Variants in ELP1 observed in about 807,000 individuals in gnomAD.
ELP1 encodes elongator complex protein 1.
Under a neutral mutation model 183.2 loss-of-function variants are expected in ELP1, and 131 were observed. The ratio of observed to expected loss-of-function variants is 0.72; its 90% confidence interval spans 0.62 to 0.83. ELP1 has a LOEUF of 0.83. ELP1 is among the 40% of genes least tolerant of loss of function. ELP1 has a pLI of 0.00. For missense variants in ELP1, 1,550 were observed against 1,594.9 expected (o/e 0.97, Z 0.48); for synonymous variants, 555 against 569.0 (o/e 0.98, Z 0.35).
rs781102903 is a variant in ELP1, at chr9:108,878,680, C to T, written c.3643G>A (p.Asp1215Asn). The change falls in exon 34 of 37, where the codon GAC becomes AAC. Residue 1215 changes from aspartate (D) to asparagine (N), a missense_variant. Asp to Asn is a conservative substitution (Grantham distance 23). Coordinates refer to ENST00000374647, the MANE Select transcript of ELP1 (RefSeq NM_003640.5). ...CTCAGTGCCTCCAGGAGGGCCAGGTCCTCCAGCGGACTGCCTTCTTTGAGG... is the reference window on the plus strand; with the variant it reads ...CTCAGTGCCTCCAGGAGGGCCAGGTTCTCCAGCGGACTGCCTTCTTTGAGG... Reference protein sequence around the residue: ...HSLKEGSPLEDLALLEALSEV... With the variant: ...HSLKEGSPLENLALLEALSEV... 23 of 1,614,212 alleles carry T rather than the reference C, an allele frequency of 1.4e-5. No homozygotes were observed. In the South Asian group the frequency reaches 2.5e-4, roughly 18 times the overall value.
chr9:108,899,941 T>C (rs1828704194), intron 19 of ELP1, 46 bp from the exon 20 acceptor site: 2 of 1,469,436 alleles, frequency 1.4e-6, no homozygotes, highest in East Asian at 2.3e-5. Context: ...GTAGAAAACA[T>C]TTAAATAGCC....
chr9:108,908,042 T>C (rs935866479), intron 13 of ELP1, among the ~76,000 whole-genome samples: 3 of 152,216 alleles, frequency 2.0e-5, no homozygotes, highest in East Asian at 3.9e-4. Context: ...CCACATGATT[T>C]TTCCTGGAGA....
At position 108,934,063 on chromosome 9, in the gene ELP1, G is replaced by C. The variant is rs1830100011; in HGVS notation, c.-255C>G. The C allele has an allele frequency of 5.5e-6, 1 of 180,528 alleles. No individual in the cohort carries two copies. Among genetic ancestry groups the C allele is most frequent in the Non-Finnish European group, 1.2e-5 (1 of 85,438 alleles). 11.2% of individuals were successfully genotyped at this position (180,528 alleles called of 1,614,324 possible). On this transcript the variant is annotated 5_prime_UTR_variant, in exon 1 of 37. Coordinates refer to ENST00000374647, the MANE Select transcript of ELP1 (RefSeq NM_003640.5). ...GCCCTCCAGGGGAAAACGCTGAAGC[G>C]CTGCAAAGAAGCCAGCGACTCAATG...
At chr9:108,881,368 T>C (rs2118944802) in intron 31 of ELP1, among the ~76,000 whole-genome samples, 3 of 152,344 alleles carry the variant, frequency 2.0e-5, no homozygotes, top group Middle Eastern at 6.8e-3. Flanking sequence ...TAGGATATTA[T>C]CTTATATAAC....
Position 108,879,528 on chromosome 9 carries a change from C to G in ELP1, c.3490G>C (p.Asp1164His), listed in dbSNP as rs1198624688. 28 of 1,613,998 alleles carry G rather than the reference C, an allele frequency of 1.7e-5. 1 individual carries two copies. The highest frequency in any genetic ancestry group is 2.4e-5 in the Non-Finnish European group (28 of 1,179,990). Residue 1164 changes from aspartate (D) to histidine (H), a missense_variant, in exon 33 of 37, where the codon GAC (aspartate) becomes CAC (histidine). Transcript: ENST00000374647. ...ACACTGCTAGTTTCAGAGAAGAGGT[C>G]TGACTCTTGCCCGTGGGGTACCTCA... Reference protein sequence around the residue: ...DDEVPHGQESDLFSETSSVVS... With the variant: ...DDEVPHGQESHLFSETSSVVS...
intron 30 of ELP1, 91 bp downstream of exon 30, chr9:108,882,034 T>G: frequency 9.4e-7 from 1 of 1,066,900 alleles, no homozygotes; most frequent in Non-Finnish European, 1.5e-6. Flanking sequence ...TTCATGAACC[T>G]CAGAAGACAA....
chr9:108,882,351 T>C (rs997966883), intron 29 of ELP1, among the ~76,000 whole-genome samples, 164 bp from the exon 30 acceptor site: 1 of 152,110 alleles, frequency 6.6e-6, no homozygotes, highest in African/African-American at 2.4e-5. Context: ...TCCATAAATA[T>C]TGATACAAAA....
chr9:108,921,228 A>C (rs1298381311), intron 6 of ELP1, among the ~76,000 whole-genome samples: 1 of 152,108 alleles, frequency 6.6e-6, no homozygotes, highest in Non-Finnish European at 1.5e-5. Flanking sequence ...TCATCCCCAA[A>C]AGAAACCCCA....
chr9:108,895,818 G>A (rs1828523237), intron 25 of ELP1, among the ~76,000 whole-genome samples: 1 of 152,192 alleles, frequency 6.6e-6, no homozygotes, highest in Non-Finnish European at 1.5e-5. Context: ...AGGAGGCCAT[G>A]AGCCTTCTGT....
intron 28 of ELP1, 149 bp from the exon 29 acceptor site, chr9:108,889,542 T>C (rs1456168102): frequency 1.4e-6 from 1 of 725,000 alleles, no homozygotes; most frequent in African/African-American, 1.7e-5. Context: ...AGTCCTATCT[T>C]AAATGGCAGC....
intron 29 of ELP1, among the ~76,000 whole-genome samples, chr9:108,884,673 GAAAAC>G (rs993487129): frequency 1.3e-5 from 2 of 152,142 alleles, no homozygotes; most frequent in African/African-American, 4.8e-5. Flanking sequence ...ATTAGGAAAT[GAAAAC>G]AAAACATTTC....
At position 108,934,050 on chromosome 9, in the gene ELP1, A is replaced by C. The variant is rs765585828; in HGVS notation, c.-242T>G. ...CAAGGATGGAGGCGCCCTCCAGGGG[A>C]AAACGCTGAAGCGCTGCAAAGAAGC... is the stretch of plus-strand genomic sequence containing the variant. On this transcript the variant is annotated 5_prime_UTR_variant, in exon 1 of 37. Transcript: ENST00000374647. 3.6e-4 allele frequency: 62 copies of C among 170,772 alleles called. No homozygotes were observed. Among genetic ancestry groups the C allele is most frequent in the Non-Finnish European group, 6.9e-4 (55 of 79,308 alleles). The allele number at this position is 170,772 out of a possible 1,614,324, so 10.6% of individuals were successfully genotyped here.
Position 108,869,057 on chromosome 9 carries a change from G to A in ELP1, c.*58C>T. The A allele has an allele frequency of 6.9e-7, 1 of 1,455,802 alleles. No homozygotes were observed. 90.2% of individuals were successfully genotyped at this position (1,455,802 alleles called of 1,614,324 possible). On this transcript the variant is annotated 3_prime_UTR_variant, in exon 37 of 37. Transcript: ENST00000374647. ...GCCCTCAAAGAGCAAGGGGTGGTAG[G>A]ACAACAGGAATGAGTGGAAATGGTC...
At chr9:108,884,762 G>A (rs1170033149) in intron 29 of ELP1, among the ~76,000 whole-genome samples, 1 of 152,136 alleles carries the variant, frequency 6.6e-6, no homozygotes, top group Non-Finnish European at 1.5e-5. Flanking sequence ...ATAAAGTAAG[G>A]AATCATCTCA....
Position 108,902,931 on chromosome 9 carries a change from G to C in ELP1, c.1762C>G (p.Leu588Val). The change falls in exon 16 of 37, where the codon CTG (leucine) becomes GTG (valine). Residue 588 changes from leucine to valine, a missense_variant. Coordinates refer to ENST00000374647, the MANE Select transcript of ELP1 (RefSeq NM_003640.5). ...GAGTTCTTCCATGGTTTAATAGCCA[G>C]AGAAGGTGACTCTGCAAGATTCACA... ...IFKYLWESPSLAIKPWKNSGG... is the reference protein window; with the variant it reads ...IFKYLWESPSVAIKPWKNSGG... 6.2e-7 allele frequency: 1 copy of C among 1,613,790 alleles called. No individual in the cohort carries two copies. The highest frequency in any genetic ancestry group is 8.5e-7 in the Non-Finnish European group (1 of 1,179,680).
chr9:108,910,010 T>C (rs973220119), intron 12 of ELP1, among the ~76,000 whole-genome samples: 1 of 152,158 alleles, frequency 6.6e-6, no homozygotes, highest in Non-Finnish European at 1.5e-5. Context: ...TTTAAATAGA[T>C]GAATGATATA....
At position 108,927,754 on chromosome 9, in the gene ELP1, G is replaced by A. The variant is rs151102621; in HGVS notation, c.304-301C>T. The stretch of plus-strand genomic sequence containing the variant: ...CTGCAACAACATAGATGGAACTGGA[G>A]ATGATTACATTAAGTGAAATAAACC... On this transcript the variant is annotated intron_variant, in intron 3 of 36. Transcript: ENST00000374647. Among the ~76,000 whole-genome samples, 2,729 of 152,254 alleles carry A rather than the reference G, an allele frequency of 0.018. 32 individuals are homozygous for A. The highest frequency in any genetic ancestry group is 0.025 in the Non-Finnish European group (1,674 of 68,008).
intron 13 of ELP1, among the ~76,000 whole-genome samples, chr9:108,908,014 T>C (rs763522278): frequency 3.3e-5 from 5 of 152,200 alleles, no homozygotes; most frequent in Admixed American, 6.5e-5. Context: ...CGCCTTATCA[T>C]TGTCATCTCC....
rs1411783035 is a variant in ELP1, at chr9:108,868,344, C to T, written c.*771G>A. 5.8e-6 allele frequency: 1 copy of T among 173,834 alleles called. No individual in the cohort carries two copies. The highest frequency in any genetic ancestry group is 2.4e-5 in the African/African-American group (1 of 42,456). 10.8% of individuals were successfully genotyped at this position (173,834 alleles called of 1,614,324 possible). On this transcript the variant is annotated 3_prime_UTR_variant, in exon 37 of 37. Transcript: ENST00000374647. ...AAAAATAAATGAAGTGGCCTAGACA[C>T]TAACAAAAATATCTGAGTTAAAGAA...
Sources: gnomAD v4.1 joint callset for allele counts (sites outside exome capture counted in the v4.1 genomes callset) on GRCh38, gnomAD v4.1.1 for gene constraint, MANE v1.5 for transcripts, NCBI Gene and HGNC (gene_info 2026-07-23, HGNC 2026-07-21) for gene names.